Variants in ESR2 observed in about 807,000 individuals in gnomAD.
ESR2 encodes the protein estrogen receptor 2, also known as estrogen receptor beta.
In ESR2, 36 loss-of-function variants were observed where a neutral mutation model predicts 49.6. The ratio of observed to expected loss-of-function variants is 0.73; its 90% CI spans 0.56 to 0.96. The LOEUF (loss-of-function observed/expected upper bound fraction) is 0.96, where lower values mean the gene tolerates loss of function less well. ESR2 is among the 40% of genes least tolerant of loss of function. The pLI is 0.00. For missense variants in ESR2, 714 were observed against 693.0 expected (o/e 1.03, Z -0.34); for synonymous variants, 320 against 266.1 (o/e 1.20, Z -1.97).
chr14:64,319,718 A>G (rs1289116590), intron 1 of ESR2, among the ~76,000 whole-genome samples: 1 of 152,244 alleles, frequency 6.6e-6, no homozygotes, highest in Non-Finnish European at 1.5e-5. Flanking sequence ...AATTAAAACA[A>G]TGATGAGATA....
rs1318717904 is a variant in ESR2 at position 64,231,288 on chromosome 14, CCT to C, written c.*1847_*1848del. On this transcript the variant is annotated 3_prime_UTR_variant, in exon 9 of 9. Coordinates refer to ENST00000341099, the MANE Select transcript of ESR2 (RefSeq NM_001437.3). ...GAGTTGCTGAAGGCTGCCTTCTTTG[CCT>C]CTTACTTCCTACTCTCCAGCTTCCA... The C allele has an allele frequency of 6.6e-6, 1 of 152,148 alleles. No individual in the cohort carries two copies. The highest frequency in any genetic ancestry group is 1.9e-4 in the East Asian group (1 of 5,198). The allele number at this position is 152,148 out of a possible 1,614,324, so 9.4% of individuals were successfully genotyped here. A position where few individuals can be genotyped will look rare whatever the true frequency, so the allele number is the denominator to read the frequency against.
At chr14:64,306,544 G>C (rs2077102023) in intron 1 of ESR2, among the ~76,000 whole-genome samples, 1 of 152,208 alleles carries the variant, frequency 6.6e-6, no homozygotes, top group African/African-American at 2.4e-5. Flanking sequence ...ATCTGTTGGG[G>C]TAATCATATG....
intron 2 of ESR2, among the ~76,000 whole-genome samples, chr14:64,280,569 T>C (rs565357940): frequency 1.8e-4 from 28 of 152,342 alleles, no homozygotes; most frequent in African/African-American, 5.8e-4. Flanking sequence ...GAATGCTGCA[T>C]GGATGGGTGT....
intron 1 of ESR2, 59 bp from the exon 2 acceptor site, chr14:64,283,134 T>C: frequency 1.5e-6 from 1 of 659,474 alleles, no homozygotes; most frequent in Non-Finnish European, 2.4e-6. Flanking sequence ...ACTATGAAAA[T>C]TTAAATATTT....
intron 1 of ESR2, among the ~76,000 whole-genome samples, chr14:64,334,147 C>T (rs2077499627): frequency 1.3e-5 from 2 of 152,116 alleles, no homozygotes; most frequent in African/African-American, 4.8e-5. Flanking sequence ...TAAGTGTATG[C>T]TACTTTGGGC....
intron 7 of ESR2, among the ~76,000 whole-genome samples, chr14:64,246,913 A>G (rs1367591573): frequency 6.6e-6 from 1 of 152,116 alleles, no homozygotes; most frequent in Non-Finnish European, 1.5e-5. Context: ...TTAGGCAGGT[A>G]AGGCCAGATT....
intron 4 of ESR2, among the ~76,000 whole-genome samples, chr14:64,265,993 T>G (rs2076321504): frequency 6.6e-6 from 1 of 152,210 alleles, no homozygotes; most frequent in Non-Finnish European, 1.5e-5. Flanking sequence ...TAATGATCTT[T>G]CTCTATGGTC....
intron 8 of ESR2, 37 bp downstream of exon 8, chr14:64,234,933 C>T (rs2098731004): frequency 6.2e-7 from 1 of 1,602,642 alleles, no homozygotes; most frequent in African/African-American, 1.3e-5. Context: ...ATAATCCCAT[C>T]CCAAGCCCAA....
Position 64,233,295 on chromosome 14 carries a change from T to C in ESR2, c.1435A>G (p.Met479Val), listed in dbSNP as rs1170438956. The change falls in exon 9 of 9, where the codon ATG (methionine) becomes GTG (valine). Residue 479 changes from methionine to valine, a missense_variant. By Grantham distance (21) the Met-to-Val change is conservative (BLOSUM62 1). Transcript: ENST00000341099. ...SNKGMEHLLN[M>V]KCKNVVPVYD... is the part of the protein sequence containing the mutation. ...ACTGGGACCACATTTTTGCACTTCATGTTGAGCAGATGTTCCATGCCCTTG... is the reference window on the plus strand; with the variant it reads ...ACTGGGACCACATTTTTGCACTTCACGTTGAGCAGATGTTCCATGCCCTTG... 6.2e-7 allele frequency: 1 copy of C among 1,614,012 alleles called. No individual in the cohort carries two copies. Among genetic ancestry groups the C allele is most frequent in the South Asian group, 1.1e-5 (1 of 91,080 alleles).
chr14:64,311,847 A>G (rs1197816104), intron 1 of ESR2, among the ~76,000 whole-genome samples: 1 of 152,074 alleles, frequency 6.6e-6, no homozygotes, highest in Non-Finnish European at 1.5e-5. Flanking sequence ...AAGACTTACT[A>G]AATAATGAAG....
chr14:64,311,726 T>G (rs2077190621), intron 1 of ESR2, among the ~76,000 whole-genome samples: 1 of 151,138 alleles, frequency 6.6e-6, no homozygotes, highest in African/African-American at 2.4e-5. Flanking sequence ...AGCAGGGGGA[T>G]TGCTTGAGCT....
intron 1 of ESR2, among the ~76,000 whole-genome samples, chr14:64,334,316 A>C (rs2077502308): frequency 6.6e-6 from 1 of 152,216 alleles, no homozygotes; most frequent in South Asian, 2.1e-4. Flanking sequence ...CTTTTGAGAC[A>C]CTGATTGACT....
intron 1 of ESR2, among the ~76,000 whole-genome samples, chr14:64,303,847 T>A (rs1162219981): frequency 3.3e-5 from 5 of 152,240 alleles, no homozygotes; most frequent in Non-Finnish European, 7.4e-5. Flanking sequence ...GATAAAAAAA[T>A]GAGAAAAGTC....
downstream of ESR2, chr14:64,227,536 C>T (rs1245657302): frequency 6.2e-7 from 1 of 1,614,074 alleles, no homozygotes; most frequent in Admixed American, 1.7e-5. Context: ...TAGAGGGTCA[C>T]TGCTCCATCG....
At chr14:64,285,837 AAAAAAGAAAAAG>A (rs1286126352) in intron 1 of ESR2, among the ~76,000 whole-genome samples, 1 of 146,840 alleles carries the variant, frequency 6.8e-6, no homozygotes. Flanking sequence ...AAAAAAAAAA[AAAAAAGAAAAAG>A]AAAAAGAAAA....
chr14:64,234,201 CAG>C (rs2098730140), intron 8 of ESR2: 1 of 152,264 alleles, frequency 6.6e-6, no homozygotes, highest in Admixed American at 6.5e-5. Flanking sequence ...AGGGGAAAGG[CAG>C]AGGTCTTCAT....
intron 4 of ESR2, among the ~76,000 whole-genome samples, chr14:64,264,262 TC>T: frequency 6.6e-6 from 1 of 152,316 alleles, no homozygotes; most frequent in South Asian, 2.1e-4. Flanking sequence ...AATTATTGGC[TC>T]CCAGGAAAAT....
chr14:64,285,030 T>C (rs184149781), intron 1 of ESR2, among the ~76,000 whole-genome samples: 175 of 152,144 alleles, frequency 1.2e-3, no homozygotes, highest in Non-Finnish European at 1.7e-3. Context: ...TTTGTATTTT[T>C]AGTAGAGACG....
In ESR2 at chr14:64,235,256, A is replaced by T. The variant is rs1567728371; in HGVS notation, c.1226-106T>A. On this transcript the variant is annotated intron_variant, in intron 7 of 8. Transcript: ENST00000341099. ...CTCCGAGGTGATCTGGGTTGCTTTG[A>T]CAGCTGCATGTGTGGCAGGAGCTTA... 8 of 1,184,250 alleles carry T rather than the reference A, an allele frequency of 6.8e-6. No homozygotes were observed. In the East Asian group the frequency reaches 9.9e-5, roughly 15 times the overall value. The allele number at this position is 1,184,250 out of a possible 1,614,324, so 73.4% of individuals were successfully genotyped here.
Sources: gnomAD v4.1 joint callset for allele counts (sites outside exome capture counted in the v4.1 genomes callset) on GRCh38, gnomAD v4.1.1 for gene constraint, MANE v1.5 for transcripts, NCBI Gene and HGNC (gene_info 2026-07-23, HGNC 2026-07-21) for gene names.